BRINP3: variants seen among roughly 807,000 people sequenced by gnomAD.
The protein encoded by BRINP3 is BMP/retinoic acid-inducible neural-specific protein 3.
Under a neutral mutation model 71.0 loss-of-function variants are expected in BRINP3, and 19 were observed. That is an observed-to-expected ratio of 0.27 (90% CI 0.19 to 0.39). The LOEUF is 0.39. BRINP3 is among the 10% of genes least tolerant of loss of function. The pLI, the probability that BRINP3 is intolerant of heterozygous loss-of-function variation, is 1.00. For synonymous variants in BRINP3, 380 were observed against 337.7 expected (o/e 1.13, Z -1.37); for missense variants, 959 against 940.8 (o/e 1.02, Z -0.25).
chr1:190,303,901 A>G (rs1424912424), intron 2 of BRINP3, among the ~76,000 whole-genome samples: 2 of 151,840 alleles, frequency 1.3e-5, no homozygotes, highest in Non-Finnish European at 3.0e-5. Context: ...TGGTTTAATA[A>G]AAAATTTAAC....
At chr1:190,395,074 T>C (rs2102325040) in intron 2 of BRINP3, among the ~76,000 whole-genome samples, 1 of 151,890 alleles carries the variant, frequency 6.6e-6, no homozygotes, top group South Asian at 2.1e-4. Flanking sequence ...ATATATCTTG[T>C]GTATCAATGG....
intron 6 of BRINP3, among the ~76,000 whole-genome samples, chr1:190,220,199 G>A (rs1656754709): frequency 6.6e-6 from 1 of 152,052 alleles, no homozygotes; most frequent in Admixed American, 6.6e-5. Flanking sequence ...CCTAAAAGCA[G>A]CAAGAGAAAA....
intron 6 of BRINP3, among the ~76,000 whole-genome samples, chr1:190,206,394 C>T (rs536904965): frequency 6.6e-6 from 1 of 151,774 alleles, no homozygotes; most frequent in South Asian, 2.1e-4. Flanking sequence ...TGAGGATCTG[C>T]AAAAAGCTCA....
At chr1:190,273,881 T>C (rs1447354818) in intron 3 of BRINP3, among the ~76,000 whole-genome samples, 1 of 151,640 alleles carries the variant, frequency 6.6e-6, no homozygotes, top group Admixed American at 6.6e-5. Context: ...GATTATTTTG[T>C]TCTTTGCAAC....
At chr1:190,108,747 A>C (rs1652412482) in intron 7 of BRINP3, among the ~76,000 whole-genome samples, 1 of 151,600 alleles carries the variant, frequency 6.6e-6, no homozygotes, top group Admixed American at 6.6e-5. Context: ...CAAAATGTAG[A>C]CCATCTCCCT....
chr1:190,388,804 T>A (rs1278140919), intron 2 of BRINP3, among the ~76,000 whole-genome samples: 1 of 151,824 alleles, frequency 6.6e-6, no homozygotes, highest in Non-Finnish European at 1.5e-5. Context: ...TAGAGTCTAG[T>A]GGGAAAATTC....
chr1:190,448,496 C>G (rs1365075088), intron 2 of BRINP3, among the ~76,000 whole-genome samples: 1 of 130,734 alleles, frequency 7.6e-6, no homozygotes, highest in Non-Finnish European at 1.7e-5. Flanking sequence ...TGTGTGTGAT[C>G]TATTTCATCC....
rs556461106 is a variant in BRINP3 at position 190,400,340 on chromosome 1, A to C, written c.236+54315T>G. ...CACAAAACAATATTGAAATAGTATA[A>C]GACAATGTCAAAGTATTTTAGGTTT... On this transcript the variant is annotated intron_variant, in intron 2 of 7. Coordinates refer to ENST00000367462, the MANE Select transcript of BRINP3 (RefSeq NM_199051.3). Among the ~76,000 whole-genome samples, 8 of 152,312 alleles carry C rather than the reference A, an allele frequency of 5.3e-5. No homozygotes were observed. In the East Asian group the frequency reaches 1.5e-3, roughly 29 times the overall value.
intron 1 of BRINP3, among the ~76,000 whole-genome samples, chr1:190,476,799 G>A (rs1043517358): frequency 6.6e-6 from 1 of 151,998 alleles, no homozygotes; most frequent in African/African-American, 2.4e-5. Context: ...CAAATACTAT[G>A]CCTGAATTAA....
At chr1:190,230,857 AAATAT>A (rs1343168153) in intron 5 of BRINP3, among the ~76,000 whole-genome samples, 6 of 151,634 alleles carry the variant, frequency 4.0e-5, no homozygotes, top group Middle Eastern at 3.4e-3. Flanking sequence ...ATTTTTATTC[AAATAT>A]AATATATTTG....
rs551537010 is a variant in BRINP3, at chr1:190,280,484, T to G, written c.427+1076A>C. Among the ~76,000 whole-genome samples, 18 of 151,944 alleles carry G rather than the reference T, an allele frequency of 1.2e-4. No individual in the cohort carries two copies. In the South Asian group the frequency reaches 3.7e-3, roughly 32 times the overall value. On this transcript the variant is annotated intron_variant, in intron 3 of 7. Coordinates refer to ENST00000367462, the MANE Select transcript of BRINP3 (RefSeq NM_199051.3). ...GTAGGAAAAAAAAAATGATGATGTC[T>G]TGGTCTAGAGATGCTGGAGAGCAGG...
intron 2 of BRINP3, among the ~76,000 whole-genome samples, chr1:190,449,237 C>T (rs1675439315): frequency 6.6e-6 from 1 of 151,894 alleles, no homozygotes; most frequent in South Asian, 2.1e-4. Flanking sequence ...TTTATTTGCA[C>T]TATTATCACA....
chr1:190,145,072 A>C (rs2102402414), intron 7 of BRINP3, among the ~76,000 whole-genome samples: 1 of 152,180 alleles, frequency 6.6e-6, no homozygotes, highest in South Asian at 2.1e-4. Context: ...TAATCTTCAA[A>C]AATAATATAT....
At chr1:190,429,035 A>T (rs1673912326) in intron 2 of BRINP3, among the ~76,000 whole-genome samples, 1 of 152,094 alleles carries the variant, frequency 6.6e-6, no homozygotes, top group Non-Finnish European at 1.5e-5. Context: ...TATAAATCAG[A>T]TGCTGCTTTA....
intron 2 of BRINP3, among the ~76,000 whole-genome samples, chr1:190,359,244 G>A (rs1375228975): frequency 6.6e-6 from 1 of 151,970 alleles, no homozygotes; most frequent in Non-Finnish European, 1.5e-5. Context: ...GCCAGGAAGA[G>A]GTCTAGCCTT....
intron 6 of BRINP3, among the ~76,000 whole-genome samples, chr1:190,208,425 T>C (rs545983940): frequency 6.6e-6 from 1 of 152,220 alleles, no homozygotes; most frequent in East Asian, 1.9e-4. Flanking sequence ...TATGTAATAA[T>C]AGCACTTTAT....
chr1:190,164,339 A>G (rs1174691706), intron 6 of BRINP3, among the ~76,000 whole-genome samples: 2 of 152,122 alleles, frequency 1.3e-5, no homozygotes, highest in African/African-American at 2.4e-5. Context: ...ATTATTTGTA[A>G]GTAATTTCTT....
At position 190,097,937 on chromosome 1, in the gene BRINP3, T is replaced by G. The variant is rs1312818312; in HGVS notation, c.*81A>C. The G allele has an allele frequency of 7.1e-7, 1 of 1,409,648 alleles. No individual in the cohort carries two copies. The highest frequency in any genetic ancestry group is 1.4e-5 in the African/African-American group (1 of 69,440). The allele number at this position is 1,409,648 out of a possible 1,614,324, so 87.3% of individuals were successfully genotyped here. ...CAGATATTGAAAAGACAATTTAAAT[T>G]TACTCTTCCAAACATAAACTGTTCC... On this transcript the variant is annotated 3_prime_UTR_variant, in exon 8 of 8. Transcript: ENST00000367462.
At chr1:190,129,152 A>C (rs1162905369) in intron 7 of BRINP3, among the ~76,000 whole-genome samples, 1 of 151,724 alleles carries the variant, frequency 6.6e-6, no homozygotes, top group Non-Finnish European at 1.5e-5. Flanking sequence ...ACACAAAACC[A>C]CTCAGTTATT....
Sources: gnomAD v4.1 joint callset for allele counts (sites outside exome capture counted in the v4.1 genomes callset) on GRCh38, gnomAD v4.1.1 for gene constraint, MANE v1.5 for transcripts, NCBI Gene and HGNC (gene_info 2026-07-23, HGNC 2026-07-21) for gene names.